The following VPS45 variants were observed in gnomAD, a reference collection of about 807,000 sequenced individuals.
The protein encoded by VPS45 is vacuolar protein sorting-associated protein 45.
A neutral mutation model predicts 75.9 loss-of-function variants in VPS45; 35 were observed. The ratio of observed to expected loss-of-function variants is 0.46; its 90% confidence interval spans 0.35 to 0.61. The LOEUF (loss-of-function observed/expected upper bound fraction) is 0.61, where lower values mean the gene tolerates loss of function less well. VPS45 is among the 20% of genes least tolerant of loss of function. The pLI is 0.00. For missense variants in VPS45, 559 were observed against 685.9 expected (o/e 0.81, Z 2.07); for synonymous variants, 220 against 238.2 (o/e 0.92, Z 0.70).
chr1:150,070,798 A>G (rs1224414085), intron 2 of VPS45, among the ~76,000 whole-genome samples: 1 of 151,742 alleles, frequency 6.6e-6, no homozygotes, highest in Non-Finnish European at 1.5e-5. Flanking sequence ...ACAGAGCAAG[A>G]CTCCGTCTCA....
At chr1:150,099,628 T>C (rs1656859232) in intron 13 of VPS45, among the ~76,000 whole-genome samples, 1 of 151,700 alleles carries the variant, frequency 6.6e-6, no homozygotes, top group Non-Finnish European at 1.5e-5. Flanking sequence ...GGTCAGGAGA[T>C]TGAGACCATC....
intron 13 of VPS45, chr1:150,109,685 T>C (rs1284318627): frequency 6.6e-6 from 1 of 152,180 alleles, no homozygotes; most frequent in Non-Finnish European, 1.5e-5. Context: ...TTGATCTCCT[T>C]CTTGGTGATA....
At chr1:150,108,716 C>T (rs1486692464) in intron 13 of VPS45, among the ~76,000 whole-genome samples, 1 of 152,168 alleles carries the variant, frequency 6.6e-6, no homozygotes, top group East Asian at 1.9e-4. Flanking sequence ...TAAAACTGTT[C>T]TACCTCACCC....
At chr1:150,100,520 G>A (rs1000008129) in intron 13 of VPS45, among the ~76,000 whole-genome samples, 2 of 152,072 alleles carry the variant, frequency 1.3e-5, no homozygotes, top group Admixed American at 6.6e-5. Flanking sequence ...CGCCAAAATA[G>A]CCAAGGCAAT....
At chr1:150,099,090 T>C (rs1370287212) in intron 13 of VPS45, 1 of 1,017,172 alleles carries the variant, frequency 9.8e-7, no homozygotes, top group Non-Finnish European at 1.2e-6. Flanking sequence ...TGTAAGTATG[T>C]TCAGAAATTA....
chr1:150,104,961 C>T (rs1657238814), intron 13 of VPS45, among the ~76,000 whole-genome samples: 1 of 152,116 alleles, frequency 6.6e-6, no homozygotes, highest in African/African-American at 2.4e-5. Flanking sequence ...CATTTGCTCC[C>T]CTCCCTGTGG....
At chr1:150,106,923 A>G (rs960243660) in intron 13 of VPS45, among the ~76,000 whole-genome samples, 3 of 152,196 alleles carry the variant, frequency 2.0e-5, no homozygotes, top group Non-Finnish European at 2.9e-5. Flanking sequence ...TAGTAAATCC[A>G]GGGGACTCTC....
intron 14 of VPS45, among the ~76,000 whole-genome samples, chr1:150,141,638 A>G (rs138235260): frequency 6.6e-5 from 10 of 152,240 alleles, no homozygotes; most frequent in African/African-American, 1.9e-4. Flanking sequence ...CCTTCTATAC[A>G]TGGAGTCAGG....
At chr1:150,106,855 T>C (rs1001372288) in intron 13 of VPS45, among the ~76,000 whole-genome samples, 1 of 152,216 alleles carries the variant, frequency 6.6e-6, no homozygotes, top group African/African-American at 2.4e-5. Context: ...CTTCAATCCA[T>C]GTAGCCTGGC....
chr1:150,124,629 C>T (rs73011264), intron 14 of VPS45, among the ~76,000 whole-genome samples: 6,254 of 148,858 alleles, frequency 0.042, 449 homozygotes, highest in African/African-American at 0.15. Context: ...CTCACTCCAA[C>T]CCCCCTACCT....
At chr1:150,121,929 G>A (rs1181624318) in intron 14 of VPS45, among the ~76,000 whole-genome samples, 1 of 152,122 alleles carries the variant, frequency 6.6e-6, no homozygotes, top group Non-Finnish European at 1.5e-5. Context: ...GGGGGGGCAG[G>A]GAATATGAAA....
intron 3 of VPS45, among the ~76,000 whole-genome samples, chr1:150,074,753 A>G (rs1313511076): frequency 3.3e-5 from 5 of 152,148 alleles, no homozygotes; most frequent in Non-Finnish European, 7.4e-5. Flanking sequence ...GGTTTCAACA[A>G]TTATTGAGCC....
At position 150,133,760 on chromosome 1, in the gene VPS45, T is replaced by C. The variant is rs190930351; in HGVS notation, c.1626-10949T>C. ...TCAGATGATAACTACCTTTCAGATATGTTCTCAGATGATAACCACCTTTCA... is the reference window on the plus strand; with the variant it reads ...TCAGATGATAACTACCTTTCAGATACGTTCTCAGATGATAACCACCTTTCA... On this transcript the variant is annotated intron_variant, in intron 14 of 14. Coordinates refer to ENST00000644510, the MANE Select transcript of VPS45 (RefSeq NM_007259.5). Among the ~76,000 whole-genome samples the C allele has an allele frequency of 2.7e-3, 404 of 152,332 alleles. 3 individuals are homozygous for C. Among genetic ancestry groups the C allele is most frequent in the African/African-American group, 9.5e-3 (393 of 41,574 alleles).
chr1:150,126,464 C>T (rs1553810760), intron 14 of VPS45, among the ~76,000 whole-genome samples: 1 of 152,050 alleles, frequency 6.6e-6, no homozygotes, highest in Non-Finnish European at 1.5e-5. Flanking sequence ...CCGCCCTCCT[C>T]GGCCTCCCAA....
chr1:150,138,908 A>T (rs1659244532), intron 14 of VPS45, among the ~76,000 whole-genome samples: 1 of 152,172 alleles, frequency 6.6e-6, no homozygotes, highest in African/African-American at 2.4e-5. Context: ...AGGCAAAAAA[A>T]AACTTGGCAT....
chr1:150,131,334 C>A (rs1658823125), intron 14 of VPS45, among the ~76,000 whole-genome samples: 1 of 151,916 alleles, frequency 6.6e-6, no homozygotes, highest in African/African-American at 2.4e-5. Context: ...CGTGGTGACA[C>A]CCCATCTCTA....
At chr1:150,074,677 C>T (rs966577521) in intron 3 of VPS45, among the ~76,000 whole-genome samples, 9 of 152,082 alleles carry the variant, frequency 5.9e-5, no homozygotes, top group East Asian at 1.9e-4. Context: ...TGTGAGCCAC[C>T]GCACCGAACT....
At chr1:150,069,600 GT>G (rs1204039778) in intron 2 of VPS45, among the ~76,000 whole-genome samples, 1 of 137,248 alleles carries the variant, frequency 7.3e-6, no homozygotes, top group Non-Finnish European at 1.6e-5. Context: ...GGGACTACAG[GT>G]GCCCGCCACC....
At chr1:150,141,738 A>G (rs782182279) in intron 14 of VPS45, among the ~76,000 whole-genome samples, 3 of 152,256 alleles carry the variant, frequency 2.0e-5, no homozygotes, top group Middle Eastern at 3.4e-3. Flanking sequence ...TTATACTCAT[A>G]TTGGATTGTG....
Sources: gnomAD v4.1 joint callset for allele counts (sites outside exome capture counted in the v4.1 genomes callset) on GRCh38, gnomAD v4.1.1 for gene constraint, MANE v1.5 for transcripts, NCBI Gene and HGNC (gene_info 2026-07-23, HGNC 2026-07-21) for gene names.